Variants in COL23A1 observed in about 807,000 individuals in gnomAD.
The protein encoded by COL23A1 is collagen alpha-1(XXIII) chain.
Under a neutral mutation model 99.3 loss-of-function variants are expected in COL23A1, and 97 were observed. That is an observed-to-expected ratio of 0.98 (90% CI 0.83 to 1.16). The LOEUF (loss-of-function observed/expected upper bound fraction) is 1.16, where lower values mean the gene tolerates loss of function less well. Among genes scored for constraint, COL23A1 ranks in the 50% most tolerant of loss-of-function variants. The pLI is 0.00. For missense variants in COL23A1, 762 were observed against 757.4 expected, an observed-to-expected ratio of 1.01 and a Z score of -0.07; for synonymous variants, 320 against 308.2, an observed-to-expected ratio of 1.04 and a Z score of -0.40.
intron 2 of COL23A1, among the ~76,000 whole-genome samples, chr5:178,466,103 C>A (rs1036539972): frequency 1.3e-5 from 2 of 152,150 alleles, no homozygotes; most frequent in African/African-American, 4.8e-5. Context: ...CATCGGCCTC[C>A]AAGCCGTGGG....
rs560979398 is a variant in COL23A1, at chr5:178,495,892, C to T, written c.361+64790G>A. 3.2e-4 allele frequency among the ~76,000 whole-genome samples: 48 copies of T among 152,298 alleles called. No individual in the cohort carries two copies. In the South Asian group the frequency reaches 1.0e-2, roughly 32 times the overall value. On this transcript the variant is annotated intron_variant, in intron 2 of 28. Transcript: ENST00000390654. Reference sequence around the variant, plus strand: ...CCTCATGACAACTTTGGGCAATAGACACTATTACTTTTCCTATTTTTCAGA... The same window carrying T: ...CCTCATGACAACTTTGGGCAATAGATACTATTACTTTTCCTATTTTTCAGA...
chr5:178,532,448 A>G (rs1365118055), intron 2 of COL23A1, among the ~76,000 whole-genome samples: 1 of 152,174 alleles, frequency 6.6e-6, no homozygotes, highest in Non-Finnish European at 1.5e-5. Flanking sequence ...ACAACAGTCC[A>G]GAGACACAGA....
At chr5:178,406,428 C>CTTTTTTTTTTTTTTT (rs61274419) in intron 2 of COL23A1, among the ~76,000 whole-genome samples, 1 of 142,038 alleles carries the variant, frequency 7.0e-6, no homozygotes, top group Admixed American at 7.0e-5. Flanking sequence ...TACCTACACT[C>CTTTTTTTTTTTTTTT]TTTTTTTTTT....
In COL23A1 at chr5:178,526,242, G is replaced by C. The variant is rs885308; in HGVS notation, c.361+34440C>G. Among the ~76,000 whole-genome samples, 1,278 of 152,304 alleles carry C rather than the reference G, an allele frequency of 8.4e-3. 22 individuals are homozygous for C. Among genetic ancestry groups the C allele is most frequent in the African/African-American group, 0.029 (1,218 of 41,566 alleles). On this transcript the variant is annotated intron_variant, in intron 2 of 28. Coordinates refer to ENST00000390654, the MANE Select transcript of COL23A1 (RefSeq NM_173465.4). ...CAGTAGTACCCTTCTGGCTGCCCCGGGAACTGCCCCTTTGCCTGGATCAGC... is the reference window on the plus strand; with the variant it reads ...CAGTAGTACCCTTCTGGCTGCCCCGCGAACTGCCCCTTTGCCTGGATCAGC...
Position 178,578,776 on chromosome 5 carries a change from C to T in COL23A1, c.294+11128G>A, listed in dbSNP as rs973727265. Among the ~76,000 whole-genome samples the T allele has an allele frequency of 1.1e-4, 16 of 151,096 alleles. 1 individual carries two copies. The highest frequency in any genetic ancestry group is 5.9e-4 in the Admixed American group (9 of 15,156). ...AGCCTCTAGCTCACCAGGTTAACCA[C>T]GAGCATTTCGCCGTGTTGCCGCCAT... On this transcript the variant is annotated intron_variant, in intron 1 of 28. Coordinates refer to ENST00000390654, the MANE Select transcript of COL23A1 (RefSeq NM_173465.4).
chr5:178,506,558 A>C (rs1758884526), intron 2 of COL23A1, among the ~76,000 whole-genome samples: 1 of 152,206 alleles, frequency 6.6e-6, no homozygotes. Context: ...TCTGGATGGG[A>C]GCAAGAGGCC....
intron 2 of COL23A1, among the ~76,000 whole-genome samples, chr5:178,351,356 A>G (rs1761316996): frequency 6.6e-6 from 1 of 152,216 alleles, no homozygotes; most frequent in African/African-American, 2.4e-5. Flanking sequence ...CTGTAGAAGC[A>G]AACCTTTGGA....
At chr5:178,523,163 C>CATATAT (rs70997608) in intron 2 of COL23A1, among the ~76,000 whole-genome samples, 26,054 of 92,538 alleles carry the variant, frequency 0.28, 4,490 homozygotes, top group Non-Finnish European at 0.4. Context: ...TATATATATA[C>CATATAT]ATATATATAT....
Position 178,255,011 on chromosome 5 carries a change from T to G in COL23A1, c.898A>C (p.Lys300Gln), listed in dbSNP as rs748874719. Residue 300 changes from lysine to glutamine, a missense_variant, in exon 16 of 29, where the codon AAG becomes CAG. Physicochemically the swap from Lys to Gln is moderately conservative, Grantham distance 53 (BLOSUM62 1). Coordinates refer to ENST00000390654, the MANE Select transcript of COL23A1 (RefSeq NM_173465.4). The surrounding 1 kb of genome is among the most constrained non-coding windows in gnomAD (Gnocchi z 4.2). Reference protein sequence around the residue: ...AAGPRGAPGLKGEQGDTVVID... With the variant: ...AAGPRGAPGLQGEQGDTVVID... ...ACCACTGTGTCTCCCTGCTCGCCCT[T>G]GAGGCCTGGGGCACCCTGAGGCAGG... The G allele has an allele frequency of 1.2e-6, 2 of 1,613,334 alleles. No homozygotes were observed. Among genetic ancestry groups the G allele is most frequent in the Non-Finnish European group, 1.7e-6 (2 of 1,179,610 alleles).
At chr5:178,243,363 T>A (rs1224415184) in intron 25 of COL23A1, among the ~76,000 whole-genome samples, 1 of 151,454 alleles carries the variant, frequency 6.6e-6, no homozygotes, top group Non-Finnish European at 1.5e-5. Context: ...AGCGTGCACC[T>A]GTAGTCCCAG....
intron 4 of COL23A1, 121 bp downstream of exon 4, chr5:178,290,241 T>C (rs1311547419): frequency 1.7e-5 from 24 of 1,431,054 alleles, no homozygotes; most frequent in African/African-American, 4.2e-5. Context: ...CACTTTTTAA[T>C]AGGACTGATG....
chr5:178,561,482 G>C (rs954738826), intron 1 of COL23A1, among the ~76,000 whole-genome samples: 2 of 152,164 alleles, frequency 1.3e-5, no homozygotes, highest in African/African-American at 2.4e-5. Flanking sequence ...CTCCTGGCCC[G>C]ATGGAACCCT....
intron 2 of COL23A1, among the ~76,000 whole-genome samples, chr5:178,459,179 T>C (rs960754073): frequency 1.3e-5 from 2 of 152,220 alleles, no homozygotes; most frequent in Non-Finnish European, 2.9e-5. Flanking sequence ...ACTGGATTGC[T>C]ATTGGAAATT....
intron 1 of COL23A1, chr5:178,562,314 G>C: frequency 4.2e-6 from 1 of 239,310 alleles, no homozygotes; most frequent in Non-Finnish European, 8.4e-6. Flanking sequence ...TCATACTTTG[G>C]GACGCCGAGG....
chr5:178,423,491 C>T (rs1765745113), intron 2 of COL23A1, among the ~76,000 whole-genome samples: 1 of 152,104 alleles, frequency 6.6e-6, no homozygotes, highest in Non-Finnish European at 1.5e-5. Context: ...ATGAATTTGC[C>T]CAGCGTAGGC....
Position 178,584,971 on chromosome 5 carries a change from A to C in COL23A1, c.294+4933T>G, listed in dbSNP as rs1489625111. ...CCTAGAGTGCCACCCTTAGTCACTC[A>C]CTTCGGGGGCAGAACAGCATCTGCT... On this transcript the variant is annotated intron_variant, in intron 1 of 28. Transcript: ENST00000390654. 2.0e-5 allele frequency among the ~76,000 whole-genome samples: 3 copies of C among 152,186 alleles called. No homozygotes were observed. In the East Asian group the frequency reaches 5.8e-4, roughly 29 times the overall value.
At chr5:178,444,842 T>C (rs1767072132) in intron 2 of COL23A1, among the ~76,000 whole-genome samples, 1 of 152,192 alleles carries the variant, frequency 6.6e-6, no homozygotes, top group Non-Finnish European at 1.5e-5. Context: ...CTACAAGTTC[T>C]TTAAGCCCTT....
intron 2 of COL23A1, among the ~76,000 whole-genome samples, chr5:178,518,502 C>T (rs1194243528): frequency 3.5e-4 from 52 of 148,282 alleles, no homozygotes; most frequent in Admixed American, 6.1e-4. Flanking sequence ...ACCTCCCGGA[C>T]GGGGTGGCTG....
In COL23A1 at chr5:178,461,933, C is replaced by T. The variant is rs1354384700; in HGVS notation, c.361+98749G>A. On this transcript the variant is annotated intron_variant, in intron 2 of 28. Transcript: ENST00000390654. ...ACAGAAGGAAATGTCAGGGAAGAGG[C>T]GGATGAGTTGTGGTACTTCAAGGAG... Among the ~76,000 whole-genome samples, 4 of 152,214 alleles carry T rather than the reference C, an allele frequency of 2.6e-5. No homozygotes were observed. The South Asian group carries it at 8.3e-4, about 31-fold the overall frequency.
Sources: allele counts gnomAD v4.1 joint callset (sites outside exome capture counted in the v4.1 genomes callset), GRCh38; gene constraint gnomAD v4.1.1; non-coding constraint Gnocchi (gnomAD v3.1); transcripts MANE v1.5; gene names NCBI Gene and HGNC (gene_info 2026-07-23, HGNC 2026-07-21).